The following GRID2 variants were observed in gnomAD, a reference collection of about 807,000 sequenced individuals.
GRID2 encodes the protein glutamate ionotropic receptor delta type subunit 2.
In GRID2, 33 loss-of-function variants were observed where a neutral mutation model predicts 114.8. The observed-to-expected ratio is 0.29, with a 90% CI of 0.22 to 0.38. GRID2 has a LOEUF of 0.38. Among genes scored for constraint, GRID2 ranks in the 10% least tolerant of loss-of-function variants. The pLI, the probability that GRID2 is intolerant of heterozygous loss-of-function variation, is 1.00. For synonymous variants in GRID2, 505 were observed against 449.9 expected (o/e 1.12, Z -1.55); for missense variants, 1,184 against 1,257.7 (o/e 0.94, Z 0.89).
At chr4:92,450,304 A>C (rs1194363153) in intron 1 of GRID2, among the ~76,000 whole-genome samples, 7 of 152,140 alleles carry the variant, frequency 4.6e-5, no homozygotes, top group African/African-American at 1.7e-4. Flanking sequence ...GCAGTGAGGC[A>C]TTAAGCATGT....
intron 2 of GRID2, among the ~76,000 whole-genome samples, chr4:92,693,586 G>A (rs571142715): frequency 1.3e-5 from 2 of 152,280 alleles, no homozygotes; most frequent in East Asian, 3.9e-4. Context: ...AACAGGAAAT[G>A]ACTATATTCC....
At chr4:93,479,849 C>T (rs1227192513) in intron 11 of GRID2, among the ~76,000 whole-genome samples, 4 of 152,066 alleles carry the variant, frequency 2.6e-5, no homozygotes, top group East Asian at 1.9e-4. Flanking sequence ...CCAGAAGTAA[C>T]GTTTTACCAG....
At chr4:92,990,303 ATATGTG>A (rs1465958888) in intron 2 of GRID2, among the ~76,000 whole-genome samples, 20 of 137,344 alleles carry the variant, frequency 1.5e-4, no homozygotes, top group Middle Eastern at 3.7e-3. Flanking sequence ...ATATATATAT[ATATGTG>A]TGTGTGTGTG....
chr4:93,645,078 A>T (rs1721987297), intron 14 of GRID2, among the ~76,000 whole-genome samples: 1 of 152,176 alleles, frequency 6.6e-6, no homozygotes, highest in Admixed American at 6.5e-5. Context: ...AAAATTCATG[A>T]ATGAATGACC....
At chr4:92,442,677 A>G (rs544750549) in intron 1 of GRID2, among the ~76,000 whole-genome samples, 1 of 152,104 alleles carries the variant, frequency 6.6e-6, no homozygotes, top group East Asian at 1.9e-4. Context: ...ATGTATATTG[A>G]GAATAAGATG....
At chr4:93,394,469 G>T (rs976502011) in intron 8 of GRID2, among the ~76,000 whole-genome samples, 18 of 151,694 alleles carry the variant, frequency 1.2e-4, no homozygotes, top group Non-Finnish European at 1.5e-5. Flanking sequence ...GGGAAACTTG[G>T]GTTTTAATAG....
At chr4:92,853,962 A>T (rs1020338225) in intron 2 of GRID2, among the ~76,000 whole-genome samples, 1 of 151,684 alleles carries the variant, frequency 6.6e-6, no homozygotes, top group Non-Finnish European at 1.5e-5. Context: ...CATGTAACAA[A>T]CCTGCACATG....
intron 2 of GRID2, among the ~76,000 whole-genome samples, chr4:93,015,443 T>G (rs1722586824): frequency 6.6e-6 from 1 of 152,166 alleles, no homozygotes; most frequent in Non-Finnish European, 1.5e-5. Context: ...ATTTAGCTCT[T>G]TTATGAAAGC....
intron 1 of GRID2, among the ~76,000 whole-genome samples, chr4:92,413,434 G>A (rs145005655): frequency 6.8e-4 from 103 of 152,232 alleles, no homozygotes; most frequent in African/African-American, 2.3e-3. Flanking sequence ...TAGCAGTTTA[G>A]ATTTACACCT....
At chr4:92,571,508 G>T (rs1727621659) in intron 1 of GRID2, among the ~76,000 whole-genome samples, 1 of 152,098 alleles carries the variant, frequency 6.6e-6, no homozygotes, top group Admixed American at 6.6e-5. Context: ...TCCAGGAATT[G>T]AACTCAGCTC....
chr4:93,360,811 T>G (rs1483398840), intron 8 of GRID2, among the ~76,000 whole-genome samples: 1 of 151,922 alleles, frequency 6.6e-6, no homozygotes, highest in Admixed American at 6.6e-5. Context: ...TTATCAGTTA[T>G]AGATGATTAG....
At chr4:92,770,261 T>A (rs776292997) in intron 2 of GRID2, among the ~76,000 whole-genome samples, 2 of 152,194 alleles carry the variant, frequency 1.3e-5, no homozygotes, top group African/African-American at 2.4e-5. Flanking sequence ...TCCTCATCTC[T>A]ATCTGAGACT....
intron 2 of GRID2, among the ~76,000 whole-genome samples, chr4:92,750,995 C>T (rs1046870522): frequency 6.6e-6 from 1 of 151,930 alleles, no homozygotes; most frequent in Non-Finnish European, 1.5e-5. Context: ...ATAAGAAAAT[C>T]GTATTTCACT....
intron 9 of GRID2, among the ~76,000 whole-genome samples, chr4:93,404,208 C>T (rs201436155): frequency 1.3e-5 from 2 of 151,968 alleles, no homozygotes; most frequent in South Asian, 2.1e-4. Context: ...AAAAGTAATT[C>T]GTGATTGCCT....
Position 93,059,737 on chromosome 4 carries a change from T to A in GRID2, c.245-25258T>A, listed in dbSNP as rs551232126. 2.0e-5 allele frequency among the ~76,000 whole-genome samples: 3 copies of A among 152,090 alleles called. No individual in the cohort carries two copies. In the East Asian group the frequency reaches 5.8e-4, roughly 29 times the overall value. On this transcript the variant is annotated intron_variant, in intron 2 of 15. Transcript: ENST00000282020. The stretch of plus-strand genomic sequence containing the variant: ...ATATGTTCTATGCCATATACAAAGA[T>A]AAATGAAACATAATTCTATTACTCA...
chr4:93,778,840 A>G (rs1578790392), downstream of GRID2, among the ~76,000 whole-genome samples: 1 of 152,186 alleles, frequency 6.6e-6, no homozygotes, highest in South Asian at 2.1e-4. Context: ...ACAAAACTCT[A>G]TTCACACATG....
At chr4:93,447,559 C>T (rs947417262) in intron 10 of GRID2, among the ~76,000 whole-genome samples, 5 of 151,750 alleles carry the variant, frequency 3.3e-5, no homozygotes, top group African/African-American at 4.8e-5. Context: ...TTGAAAGAAA[C>T]GTATGGCATG....
At chr4:93,700,321 A>C (rs1727398613) in intron 14 of GRID2, among the ~76,000 whole-genome samples, 3 of 152,134 alleles carry the variant, frequency 2.0e-5, no homozygotes, top group Admixed American at 6.6e-5. Context: ...CCAACCCTGT[A>C]TGAATTTTTA....
intron 4 of GRID2, among the ~76,000 whole-genome samples, chr4:93,177,839 C>T (rs1262430625): frequency 6.6e-6 from 1 of 151,964 alleles, no homozygotes; most frequent in South Asian, 2.1e-4. Context: ...CAACTGCAAA[C>T]ATTTTATAAG....
Sources: gnomAD v4.1 joint callset for allele counts (sites outside exome capture counted in the v4.1 genomes callset) on GRCh38, gnomAD v4.1.1 for gene constraint, MANE v1.5 for transcripts, NCBI Gene and HGNC (gene_info 2026-07-23, HGNC 2026-07-21) for gene names.